The following NRL variants were observed in gnomAD, a reference collection of about 807,000 sequenced individuals.
NRL encodes the protein neural retina-specific leucine zipper protein.
Under a neutral mutation model 12.5 loss-of-function variants are expected in NRL, and 16 were observed. The ratio of observed to expected loss-of-function variants is 1.28; its 90% CI spans 0.87 to 1.95. The LOEUF (loss-of-function observed/expected upper bound fraction) is 1.95, where lower values mean the gene tolerates loss of function less well. Among genes scored for constraint, NRL ranks in the 30% most tolerant of loss-of-function variants. The pLI is 0.00. For synonymous variants in NRL, 142 were observed against 150.9 expected (o/e 0.94, Z 0.43); for missense variants, 314 against 325.8 (o/e 0.96, Z 0.28).
intron 1 of NRL, chr14:24,095,221 G>A (rs1268677989): frequency 2.2e-6 from 1 of 456,038 alleles, no homozygotes; most frequent in Non-Finnish European, 4.4e-6. Flanking sequence ...GGTGGTCTCT[G>A]AAGGAAACGT....
intron 1 of NRL, chr14:24,102,996 CCA>C: frequency 7.5e-7 from 1 of 1,331,490 alleles, no homozygotes; most frequent in Non-Finnish European, 1.1e-6. Flanking sequence ...TCACCTTTCT[CCA>C]GAGTTCTCCC....
At position 24,114,811 on chromosome 14, in the gene NRL, C is replaced by T. The variant is rs543165865; in HGVS notation, c.-117G>A. ...TTGCAGCCCGCCGGCCAGGAAGCCGCGAGATGCGTGACGAGCGAAGCGCGT... is the reference window on the plus strand; with the variant it reads ...TTGCAGCCCGCCGGCCAGGAAGCCGTGAGATGCGTGACGAGCGAAGCGCGT... On this transcript the variant is annotated 5_prime_UTR_variant, in exon 1 of 3. Transcript: ENST00000561028. 9.1e-6 allele frequency: 9 copies of T among 985,956 alleles called. No homozygotes were observed. Among genetic ancestry groups the T allele is most frequent in the East Asian group, 1.1e-4 (1 of 8,816 alleles). 61.1% of individuals were successfully genotyped at this position (985,956 alleles called of 1,614,324 possible).
intron 1 of NRL, chr14:24,102,791 T>G (rs751362111): frequency 6.2e-7 from 1 of 1,614,028 alleles, no homozygotes. Context: ...CTCTCGATTT[T>G]GTGCCCCGGC....
At chr14:24,099,802 T>G in intron 1 of NRL, 1 of 1,498,454 alleles carries the variant, frequency 6.7e-7, no homozygotes, top group East Asian at 2.4e-5. Flanking sequence ...ACAATGACTT[T>G]GTCAGTGAGA....
chr14:24,097,016 G>C (rs1202470079), intron 1 of NRL: 1 of 1,613,422 alleles, frequency 6.2e-7, no homozygotes, highest in Non-Finnish European at 8.5e-7. Flanking sequence ...AGAGCACAGT[G>C]CCCGCCTGTG....
At chr14:24,101,428 A>G (rs1357463840) in intron 1 of NRL, among the ~76,000 whole-genome samples, 1 of 152,172 alleles carries the variant, frequency 6.6e-6, no homozygotes, top group Non-Finnish European at 1.5e-5. Context: ...ATGTCCACTC[A>G]GGGGCCACAC....
intron 1 of NRL, among the ~76,000 whole-genome samples, chr14:24,086,039 A>T (rs2036457354): frequency 6.6e-6 from 1 of 152,210 alleles, no homozygotes; most frequent in African/African-American, 2.4e-5. Flanking sequence ...CAACATGGTG[A>T]AACCCCATCT....
At chr14:24,083,594 G>A (rs556541970) in intron 1 of NRL, among the ~76,000 whole-genome samples, 1 of 152,332 alleles carries the variant, frequency 6.6e-6, no homozygotes, top group East Asian at 1.9e-4. Context: ...TTCAGAACTT[G>A]TTACGTTGTG....
At chr14:24,104,510 G>C (rs2037296263) in intron 1 of NRL, among the ~76,000 whole-genome samples, 3 of 151,630 alleles carry the variant, frequency 2.0e-5, no homozygotes, top group African/African-American at 7.3e-5. Flanking sequence ...GTGGTGGCGG[G>C]CGCCTGTAGT....
intron 1 of NRL, among the ~76,000 whole-genome samples, chr14:24,106,460 G>T (rs931522900): frequency 6.6e-6 from 1 of 152,152 alleles, no homozygotes; most frequent in African/African-American, 2.4e-5. Flanking sequence ...AGCCAGCCAG[G>T]CGCGGTGGCT....
At chr14:24,091,366 G>C (rs1043125344) in intron 1 of NRL, among the ~76,000 whole-genome samples, 2 of 152,184 alleles carry the variant, frequency 1.3e-5, no homozygotes, top group African/African-American at 4.8e-5. Flanking sequence ...GGCCAGGATG[G>C]TGTGTGTTTA....
chr14:24,103,267 C>T lies in NRL; in HGVS notation c.-28+11455G>A. The stretch of plus-strand genomic sequence containing the variant: ...AGCAGAACACAAAGGTGAGCACCCT[C>T]ACCATTCCTCCCTCTCCTGTGTGTG... On this transcript the variant is annotated intron_variant, in intron 1 of 2. Transcript: ENST00000561028. The T allele has an allele frequency of 6.3e-7, 1 of 1,598,806 alleles. No homozygotes were observed. Among genetic ancestry groups the T allele is most frequent in the East Asian group, 2.2e-5 (1 of 44,780 alleles).
At chr14:24,100,350 T>G in intron 1 of NRL, 1 of 1,471,208 alleles carries the variant, frequency 6.8e-7, no homozygotes, top group Non-Finnish European at 9.0e-7. Flanking sequence ...CAGTTTCCAG[T>G]CCCAGGCAAA....
intron 1 of NRL, chr14:24,103,959 AT>A (rs1195661215): frequency 6.2e-7 from 1 of 1,612,156 alleles, no homozygotes; most frequent in African/African-American, 1.3e-5. Context: ...TGTGCACAAA[AT>A]GTGACCTGAG....
intron 1 of NRL, among the ~76,000 whole-genome samples, chr14:24,097,328 A>T (rs1371051707): frequency 6.6e-6 from 1 of 151,348 alleles, no homozygotes. Flanking sequence ...AGGCGGGTGG[A>T]TCACCAGGTG....
At chr14:24,105,640 C>T (rs75869105) in intron 1 of NRL, among the ~76,000 whole-genome samples, 5,734 of 152,262 alleles carry the variant, frequency 0.038, 186 homozygotes, top group East Asian at 0.054. Context: ...CCTATTCCAC[C>T]GGGCGCAGTG....
In NRL at chr14:24,094,281, C is replaced by CT; in HGVS notation, c.-27-11407dup. 1.0e-6 allele frequency: 1 copy of CT among 978,204 alleles called. No individual in the cohort carries two copies. Among genetic ancestry groups the CT allele is most frequent in the African/African-American group, 1.7e-5 (1 of 59,092 alleles). 60.6% of individuals were successfully genotyped at this position (978,204 alleles called of 1,614,324 possible). ...TTCCGCCCCCGCGCCTGCCCCCCTC[C>CT]TTTTTAAGCGCCTCCCGCCAGCCTC... On this transcript the variant is annotated intron_variant, in intron 1 of 2. Coordinates refer to ENST00000561028, the MANE Select transcript of NRL (RefSeq NM_001354768.3). The surrounding 1 kb of genome is among the most constrained non-coding windows in gnomAD (Gnocchi z 4.1).
chr14:24,090,800 C>T (rs991835826), intron 1 of NRL, among the ~76,000 whole-genome samples: 3 of 152,222 alleles, frequency 2.0e-5, no homozygotes, highest in African/African-American at 7.2e-5. Context: ...GGGAAATGAG[C>T]AGTGCAAGGA....
At chr14:24,103,931 T>G (rs1175507332) in intron 1 of NRL, 4 of 1,613,964 alleles carry the variant, frequency 2.5e-6, no homozygotes, top group South Asian at 2.2e-5. Flanking sequence ...TGGCTGAGCT[T>G]GAGGCCCTGG....
Sources: allele counts gnomAD v4.1 joint callset (sites outside exome capture counted in the v4.1 genomes callset), GRCh38; gene constraint gnomAD v4.1.1; non-coding constraint Gnocchi (gnomAD v3.1); transcripts MANE v1.5; gene names NCBI Gene and HGNC (gene_info 2026-07-23, HGNC 2026-07-21).